The following COL6A5 variants were observed in gnomAD, a reference collection of about 807,000 sequenced individuals.
The protein encoded by COL6A5 is collagen type VI alpha 5 chain, also known as collagen alpha-5(VI) chain.
A neutral mutation model predicts 65.6 loss-of-function variants in COL6A5; 48 were observed. The observed-to-expected ratio is 0.73, with a 90% CI of 0.58 to 0.93. The LOEUF (loss-of-function observed/expected upper bound fraction) is 0.93. Among genes scored for constraint, COL6A5 ranks in the 40% least tolerant of loss-of-function variants. The pLI is 0.00. For missense variants in COL6A5, 914 were observed against 928.3 expected (o/e 0.98, Z 0.20); for synonymous variants, 291 against 322.8 (o/e 0.90, Z 1.05).
upstream of COL6A5, among the ~76,000 whole-genome samples, chr3:130,428,961 A>G (rs2107691595): frequency 6.6e-6 from 1 of 152,308 alleles, no homozygotes; most frequent in East Asian, 1.9e-4. Flanking sequence ...TTTCTTAAAG[A>G]TGTATCAATA....
Position 130,426,283 on chromosome 3 carries a change from A to G in COL6A5, c.5199+34A>G, listed in dbSNP as rs961136511. On this transcript the variant is annotated intron_variant and NMD_transcript_variant, in intron 30 of 41. Transcript: ENST00000312481. ...CTCCTTATTCATGAAAGAAAACTCA[A>G]TAAGTTCACTGGGAAATAAACACAG... The G allele has an allele frequency of 5.2e-6, 8 of 1,550,824 alleles. No individual in the cohort carries two copies. In the African/African-American group the frequency reaches 6.8e-5, roughly 13 times the overall value.
intron 25 of COL6A5, among the ~76,000 whole-genome samples, chr3:130,420,595 C>T (rs910756209): frequency 1.3e-5 from 2 of 152,034 alleles, no homozygotes; most frequent in Admixed American, 6.6e-5. Context: ...TTCATAAAGG[C>T]TTTGAACTCC....
chr3:130,446,277 G>A (rs1709301728), intron 4 of COL6A5, among the ~76,000 whole-genome samples: 1 of 151,152 alleles, frequency 6.6e-6, no homozygotes, highest in Non-Finnish European at 1.5e-5. Context: ...ATCTATCCAG[G>A]TGAGAGGTCG....
intron 21 of COL6A5, 101 bp from the exon 22 acceptor site, chr3:130,413,968 A>G (rs1937262179): frequency 2.3e-6 from 2 of 881,154 alleles, no homozygotes; most frequent in Non-Finnish European, 3.6e-6. Flanking sequence ...GCCACAAGTC[A>G]GACAAAATAG....
At chr3:130,430,273 A>G (rs992620064), upstream of COL6A5, among the ~76,000 whole-genome samples, 3 of 152,186 alleles carry the variant, frequency 2.0e-5, no homozygotes, top group African/African-American at 7.2e-5. Context: ...GATTAAATAT[A>G]TCTTTCATTT....
chr3:130,422,720 G>T, exon 28 of COL6A5: 2 of 1,525,162 alleles, frequency 1.3e-6, no homozygotes, highest in Non-Finnish European at 1.8e-6. Context: ...GAATCTTCAG[G>T]GTGATATTGG....
exon 5 of COL6A5, chr3:130,384,972 C>A: frequency 6.4e-7 from 1 of 1,550,954 alleles, no homozygotes; most frequent in Non-Finnish European, 8.7e-7. Context: ...TCAGATGACA[C>A]AGAAGTGGAA....
chr3:130,444,239 T>C (rs368209785), intron 4 of COL6A5, among the ~76,000 whole-genome samples: 5 of 152,094 alleles, frequency 3.3e-5, no homozygotes, highest in Admixed American at 3.3e-4. Flanking sequence ...ACACACATGC[T>C]CTACAATTTG....
intron 5 of COL6A5, among the ~76,000 whole-genome samples, chr3:130,463,956 CT>C (rs2107609064): frequency 6.6e-6 from 1 of 151,956 alleles, no homozygotes; most frequent in East Asian, 1.9e-4. Context: ...TGAAATATAC[CT>C]CTTTAGAAAA....
At chr3:130,400,632 TAC>T (rs1347211908) in intron 10 of COL6A5, among the ~76,000 whole-genome samples, 5 of 152,214 alleles carry the variant, frequency 3.3e-5, no homozygotes, top group African/African-American at 1.2e-4. Flanking sequence ...ATCATTAATG[TAC>T]ATTCAGGAAA....
intron 17 of COL6A5, among the ~76,000 whole-genome samples, chr3:130,408,313 C>T (rs1937066862): frequency 6.6e-6 from 1 of 151,964 alleles, no homozygotes; most frequent in Non-Finnish European, 1.5e-5. Context: ...AAAATGGCTG[C>T]TCTGGGAGTG....
chr3:130,474,865 T>C (rs182102298), intron 7 of COL6A5, among the ~76,000 whole-genome samples: 1 of 151,494 alleles, frequency 6.6e-6, no homozygotes, highest in East Asian at 1.9e-4. Context: ...TAGTTGGATG[T>C]GGTGTCATTC....
At chr3:130,358,986 G>A (rs1429017758) in intron 1 of COL6A5, among the ~76,000 whole-genome samples, 1 of 152,168 alleles carries the variant, frequency 6.6e-6, no homozygotes, top group Non-Finnish European at 1.5e-5. Context: ...CAGCTGTTAA[G>A]ATGAATGAAG....
At chr3:130,430,692 G>A (rs1044517840), upstream of COL6A5, among the ~76,000 whole-genome samples, 4 of 152,118 alleles carry the variant, frequency 2.6e-5, no homozygotes, top group Admixed American at 6.5e-5. Context: ...CTTGGTTCCC[G>A]TTGCTTCCTT....
intron 1 of COL6A5, among the ~76,000 whole-genome samples, chr3:130,436,516 C>A (rs1250204133): frequency 6.6e-6 from 1 of 152,070 alleles, no homozygotes; most frequent in Non-Finnish European, 1.5e-5. Flanking sequence ...TTGAGATAAT[C>A]CCAGTCACAT....
intron 17 of COL6A5, among the ~76,000 whole-genome samples, chr3:130,407,018 G>A (rs78580669): frequency 0.018 from 2,749 of 152,286 alleles, 65 homozygotes; most frequent in East Asian, 0.091. Context: ...ATGTGAGTGA[G>A]GCCATGTTGT....
chr3:130,472,715 G>A (rs1709984171), intron 7 of COL6A5, among the ~76,000 whole-genome samples: 1 of 150,694 alleles, frequency 6.6e-6, no homozygotes, highest in Admixed American at 6.6e-5. Context: ...CCCCAAAGTG[G>A]GAACAAAAAT....
chr3:130,431,144 A>G, upstream of COL6A5: 4 of 625,238 alleles, frequency 6.4e-6, no homozygotes, highest in Admixed American at 2.4e-5. Flanking sequence ...TCATGTAACC[A>G]CTATCCCAGT....
chr3:130,444,650 A>G, intron 4 of COL6A5, among the ~76,000 whole-genome samples: 1 of 152,096 alleles, frequency 6.6e-6, no homozygotes, highest in East Asian at 1.9e-4. Context: ...CTGGTCCAGC[A>G]CACTAAAAAC....
Sources: gnomAD v4.1 joint callset for allele counts (sites outside exome capture counted in the v4.1 genomes callset) on GRCh38, gnomAD v4.1.1 for gene constraint, MANE v1.5 for transcripts, NCBI Gene and HGNC (gene_info 2026-07-23, HGNC 2026-07-21) for gene names.